Variants in ZNF429 observed in about 807,000 individuals in gnomAD.
ZNF429 encodes the protein zinc finger protein 429.
ZNF429 carries 53 observed loss-of-function variants against 56.8 expected under a neutral mutation model. The observed-to-expected ratio is 0.93, with a 90% confidence interval of 0.75 to 1.17. The LOEUF is 1.17. Ranked by LOEUF, ZNF429 falls within the 50% of genes most tolerant of loss-of-function variation. The pLI is 0.00. For synonymous variants in ZNF429, 278 were observed against 264.7 expected, an observed-to-expected ratio of 1.05 and a Z score of -0.49; for missense variants, 849 against 788.4, an observed-to-expected ratio of 1.08 and a Z score of -0.92.
At chr19:21,526,169 T>A (rs1443122918) in intron 1 of ZNF429, among the ~76,000 whole-genome samples, 3 of 151,936 alleles carry the variant, frequency 2.0e-5, no homozygotes, top group Non-Finnish European at 4.4e-5. Flanking sequence ...AAAAGAGAGG[T>A]TTCTTCACTT....
At chr19:21,512,463 C>A (rs1221266258) in intron 1 of ZNF429, among the ~76,000 whole-genome samples, 1 of 151,764 alleles carries the variant, frequency 6.6e-6, no homozygotes, top group Non-Finnish European at 1.5e-5. Flanking sequence ...AGTTCGAGAC[C>A]AGCCTGACCA....
Position 21,505,698 on chromosome 19 carries a change from C to T in ZNF429, c.-74C>T. On this transcript the variant is annotated 5_prime_UTR_variant, in exon 1 of 4. Coordinates refer to ENST00000358491, the MANE Select transcript of ZNF429 (RefSeq NM_001001415.4). Reference sequence around the variant, plus strand: ...GTGTCCTTTGTTCTTAGAGGCCCAGCCTGTGTGGCCCTGTGACCCGCAGAT... The same window carrying T: ...GTGTCCTTTGTTCTTAGAGGCCCAGTCTGTGTGGCCCTGTGACCCGCAGAT... The T allele has an allele frequency of 6.5e-7, 1 of 1,538,276 alleles. No homozygotes were observed. The highest frequency in any genetic ancestry group is 2.3e-5 in the East Asian group (1 of 43,608).
In ZNF429 at chr19:21,536,837, T is replaced by C; in HGVS notation, c.784T>C (p.Cys262Arg). 1.9e-6 allele frequency: 3 copies of C among 1,613,818 alleles called. No individual in the cohort carries two copies. The highest frequency in any genetic ancestry group is 2.5e-6 in the Non-Finnish European group (3 of 1,179,946). The change falls in exon 4 of 4, where the codon TGT becomes CGT. Residue 262 changes from cysteine (C) to arginine (R), a missense_variant. By Grantham distance (180) the Cys-to-Arg change is radical. Transcript: ENST00000358491. Reference sequence around the variant, plus strand: ...AGAGAAACCCTACAAATGTAAAGAATGTGGCAAAGCCTTTAGCAGGTACTC... The same window carrying C: ...AGAGAAACCCTACAAATGTAAAGAACGTGGCAAAGCCTTTAGCAGGTACTC... ...TGEKPYKCKE[C>R]GKAFSRYSTL...
Position 21,536,917 on chromosome 19 carries a change from T to C in ZNF429, c.864T>C (p.Asp288=), listed in dbSNP as rs143458227. The change falls in exon 4 of 4, where the codon GAT becomes GAC. Residue 288 remains aspartate (D), a synonymous_variant. Transcript: ENST00000358491. Reference sequence around the variant, plus strand: ...CTGGAGAGAAGCCCTACAAATGTGATGAATGTGGCAAAACCTTTAGCATAT... The same window carrying C: ...CTGGAGAGAAGCCCTACAAATGTGACGAATGTGGCAAAACCTTTAGCATAT... ...IHSGEKPYKC[D]ECGKTFSISS... is the part of the protein sequence containing the mutation. 6 of 1,598,572 alleles carry C rather than the reference T, an allele frequency of 3.8e-6. No individual in the cohort carries two copies. The highest frequency in any genetic ancestry group is 4.3e-6 in the Non-Finnish European group (5 of 1,174,542).
chr19:21,537,077 A>C lies in ZNF429; in HGVS notation c.1024A>C (p.Lys342Gln), dbSNP rs1272258615. The change falls in exon 4 of 4, where the codon AAA becomes CAA. Residue 342 changes from lysine to glutamine, a missense_variant. Lys to Gln is a moderately conservative substitution (Grantham distance 53). Coordinates refer to ENST00000358491, the MANE Select transcript of ZNF429 (RefSeq NM_001001415.4). The part of the protein sequence containing the change: ...KRIHTGEKPY[K>Q]CEECGKAFNW... The stretch of plus-strand genomic sequence containing the variant: ...AATACATACTGGTGAGAAACCCTAC[A>C]AATGTGAAGAATGTGGCAAAGCCTT... The C allele has an allele frequency of 6.2e-7, 1 of 1,614,012 alleles. No individual in the cohort carries two copies. The highest frequency in any genetic ancestry group is 1.3e-5 in the African/African-American group (1 of 75,052).
intron 1 of ZNF429, among the ~76,000 whole-genome samples, chr19:21,513,598 A>G (rs1599441762): frequency 6.6e-6 from 1 of 152,140 alleles, no homozygotes; most frequent in Non-Finnish European, 1.5e-5. Context: ...CTGTTGGAGA[A>G]TTGCTTGGTG....
At chr19:21,523,807 T>C (rs749509677) in intron 1 of ZNF429, among the ~76,000 whole-genome samples, 1 of 152,224 alleles carries the variant, frequency 6.6e-6, no homozygotes, top group Non-Finnish European at 1.5e-5. Context: ...ACCTTCTAGA[T>C]AGATGTATAA....
chr19:21,512,455 T>C (rs1184122317), intron 1 of ZNF429, among the ~76,000 whole-genome samples: 1 of 151,240 alleles, frequency 6.6e-6, no homozygotes, highest in Non-Finnish European at 1.5e-5. Context: ...AGGTCAGGAG[T>C]TCGAGACCAG....
chr19:21,513,676 C>T (rs896065952), intron 1 of ZNF429, among the ~76,000 whole-genome samples: 16 of 152,300 alleles, frequency 1.1e-4, no homozygotes, highest in African/African-American at 3.4e-4. Flanking sequence ...GAATAAAACT[C>T]TTGGTATCTG....
rs186000951 is a variant in ZNF429, at chr19:21,536,740, C to T, written c.687C>T (p.Tyr229=). 5.6e-6 allele frequency: 9 copies of T among 1,614,040 alleles called. No homozygotes were observed. In the East Asian group the frequency reaches 1.8e-4, roughly 32 times the overall value. The change falls in exon 4 of 4, where the codon TAC becomes TAT. Residue 229 remains tyrosine (Y), a synonymous_variant. Transcript: ENST00000358491. Reference sequence around the variant, plus strand: ...GAATTTATGTTGGTGAGAAACACTACAGATGTGAAGAATGTGGCAAAGCAT... The same window carrying T: ...GAATTTATGTTGGTGAGAAACACTATAGATGTGAAGAATGTGGCAAAGCAT... ...HKRIYVGEKH[Y]RCEECGKAFN...
At chr19:21,535,962 A>G in intron 3 of ZNF429, among the ~76,000 whole-genome samples, 1 of 152,198 alleles carries the variant, frequency 6.6e-6, no homozygotes, top group African/African-American at 2.4e-5. Flanking sequence ...ATTTACTTCC[A>G]AAGGCACTGT....
intron 3 of ZNF429, among the ~76,000 whole-genome samples, chr19:21,534,935 G>T: frequency 1.3e-5 from 2 of 150,230 alleles, no homozygotes; most frequent in African/African-American, 4.9e-5. Context: ...TCAGCCTCCC[G>T]AGTAGCTGGG....
At position 21,515,293 on chromosome 19, in the gene ZNF429, G is replaced by A. The variant is rs191761371; in HGVS notation, c.3+9519G>A. Among the ~76,000 whole-genome samples the A allele has an allele frequency of 1.8e-3, 266 of 149,604 alleles. 1 individual carries two copies. Among genetic ancestry groups the A allele is most frequent in the Non-Finnish European group, 2.3e-3 (154 of 67,712 alleles). The stretch of plus-strand genomic sequence containing the variant: ...ATAGTAGCCATTCTGACTGGTGTGA[G>A]ATGGTATCTCATTGTGATTTTTCTT... On this transcript the variant is annotated intron_variant, in intron 1 of 3. Transcript: ENST00000358491.
chr19:21,532,866 T>G, intron 3 of ZNF429, among the ~76,000 whole-genome samples: 1 of 151,936 alleles, frequency 6.6e-6, no homozygotes, highest in South Asian at 2.1e-4. Context: ...ACCTGGCTAA[T>G]TTTGTATTTT....
rs1442723951 is a variant in ZNF429 at position 21,536,519 on chromosome 19, G to T, written c.466G>T (p.Ala156Ser). 1 of 1,612,578 alleles carries T rather than the reference G, an allele frequency of 6.2e-7. No homozygotes were observed. Among genetic ancestry groups the T allele is most frequent in the East Asian group, 2.2e-5 (1 of 44,818 alleles). The change falls in exon 4 of 4, where the codon GCA becomes TCA. Residue 156 changes from alanine (A) to serine (S), a missense_variant. Transcript: ENST00000358491. The stretch of plus-strand genomic sequence containing the variant: ...TGATATATATGTAAAAGTCTTTTAT[G>T]CATTTTCAAATGCAGATAGATACAA... ...HCDIYVKVFY[A>S]FSNADRYKTR...
intron 2 of ZNF429, among the ~76,000 whole-genome samples, 184 bp from the exon 3 acceptor site, chr19:21,530,405 C>A: frequency 6.6e-6 from 1 of 151,842 alleles, no homozygotes. Flanking sequence ...TAGTACTGGG[C>A]AATGAAATTA....
In ZNF429 at chr19:21,505,754, C is replaced by T. The variant is rs775944318; in HGVS notation, c.-18C>T. ...GAGATACACAGCTAAGACTCCAGGACCCCCTGGAAGCCTAGAAATGGTGAG... is the reference window on the plus strand; with the variant it reads ...GAGATACACAGCTAAGACTCCAGGATCCCCTGGAAGCCTAGAAATGGTGAG... On this transcript the variant is annotated 5_prime_UTR_variant, in exon 1 of 4. Transcript: ENST00000358491. 10 of 1,609,766 alleles carry T rather than the reference C, an allele frequency of 6.2e-6. No homozygotes were observed. The highest frequency in any genetic ancestry group is 8.5e-6 in the Non-Finnish European group (10 of 1,177,226).
rs774207624 is a variant in ZNF429, at chr19:21,537,358, C to G, written c.1305C>G (p.Thr435=). 6.2e-7 allele frequency: 1 copy of G among 1,613,042 alleles called. No individual in the cohort carries two copies. The highest frequency in any genetic ancestry group is 8.5e-7 in the Non-Finnish European group (1 of 1,179,634). Residue 435 remains threonine (T), a synonymous_variant, in exon 4 of 4, where the codon ACC becomes ACG. Coordinates refer to ENST00000358491, the MANE Select transcript of ZNF429 (RefSeq NM_001001415.4). The part of the protein sequence containing the change: ...YNCEECGKVF[T]YSSTLTRHKR... ...GTGAAGAATGTGGCAAAGTTTTTACCTATTCCTCTACACTTACTAGACATA... is the reference window on the plus strand; with the variant it reads ...GTGAAGAATGTGGCAAAGTTTTTACGTATTCCTCTACACTTACTAGACATA...
chr19:21,510,718 G>A (rs1241215086), intron 1 of ZNF429, among the ~76,000 whole-genome samples: 1 of 151,510 alleles, frequency 6.6e-6, no homozygotes, highest in Non-Finnish European at 1.5e-5. Flanking sequence ...CTAGGCAGAG[G>A]ACCCTGTGGC....
Sources: allele counts gnomAD v4.1 joint callset (sites outside exome capture counted in the v4.1 genomes callset), GRCh38; gene constraint gnomAD v4.1.1; transcripts MANE v1.5; gene names NCBI Gene and HGNC (gene_info 2026-07-23, HGNC 2026-07-21).